Variants in GABRB1 observed in about 807,000 individuals in gnomAD.
The protein encoded by GABRB1 is gamma-aminobutyric acid receptor subunit beta-1.
GABRB1 carries 17 observed loss-of-function variants against 51.6 expected under a neutral mutation model. The ratio of observed to expected loss-of-function variants is 0.33; its 90% CI spans 0.23 to 0.49. The LOEUF (loss-of-function observed/expected upper bound fraction) is 0.49. Ranked by LOEUF, GABRB1 falls within the 20% of genes least tolerant of loss-of-function variation. The pLI, the probability that GABRB1 is intolerant of heterozygous loss-of-function variation, is 0.99. For synonymous variants in GABRB1, 247 were observed against 218.9 expected, an observed-to-expected ratio of 1.13 and a Z score of -1.14; for missense variants, 410 against 600.6, an observed-to-expected ratio of 0.68 and a Z score of 3.32.
At chr4:47,271,579 TA>T (rs1335751947) in intron 4 of GABRB1, among the ~76,000 whole-genome samples, 2 of 152,202 alleles carry the variant, frequency 1.3e-5, no homozygotes, top group Non-Finnish European at 2.9e-5. Context: ...ACAAATGCTA[TA>T]AACCCCAGAA....
intron 4 of GABRB1, among the ~76,000 whole-genome samples, chr4:47,177,942 G>A (rs1447974285): frequency 6.6e-6 from 1 of 151,804 alleles, no homozygotes; most frequent in Non-Finnish European, 1.5e-5. Context: ...CTGCAAAAAG[G>A]GATTTGGGTT....
At chr4:47,087,279 AT>A (rs202240250) in intron 3 of GABRB1, among the ~76,000 whole-genome samples, 64 of 71,536 alleles carry the variant, frequency 8.9e-4, no homozygotes, top group East Asian at 7.1e-3. Context: ...GGTAGCATTA[AT>A]TTTTTTTTTT....
chr4:47,070,304 G>A (rs906592949), intron 3 of GABRB1, among the ~76,000 whole-genome samples: 15 of 151,736 alleles, frequency 9.9e-5, no homozygotes, highest in African/African-American at 2.9e-4. Flanking sequence ...CCAAAGTGCT[G>A]GGATTACAGG....
At position 47,157,410 on chromosome 4, in the gene GABRB1, C is replaced by G. The variant is rs1371454864; in HGVS notation, c.241-3839C>G. On this transcript the variant is annotated intron_variant, in intron 3 of 8. Coordinates refer to ENST00000295454, the MANE Select transcript of GABRB1 (RefSeq NM_000812.4). ...AGCAATTTAGAGGCTTTCTTTTCTA[C>G]CTAAAAATAGAATCCACCAAAACGA... 2.0e-5 allele frequency among the ~76,000 whole-genome samples: 3 copies of G among 152,176 alleles called. No homozygotes were observed. The South Asian group carries it at 6.2e-4, about 32-fold the overall frequency.
intron 4 of GABRB1, among the ~76,000 whole-genome samples, chr4:47,174,218 A>C (rs1319715986): frequency 6.6e-6 from 1 of 151,950 alleles, no homozygotes; most frequent in African/African-American, 2.4e-5. Flanking sequence ...GCACACGCCC[A>C]GCTAATTTTT....
rs532635405 is a variant in GABRB1 at position 47,199,626 on chromosome 4, A to G, written c.461+38157A>G. On this transcript the variant is annotated intron_variant, in intron 4 of 8. Transcript: ENST00000295454. ...TGACTCTGAGCGGGGAGCCTTGGGC[A>G]TAGAGGATGGAGTTAGGACACAAGG... Among the ~76,000 whole-genome samples the G allele has an allele frequency of 2.2e-3, 334 of 152,292 alleles. 2 individuals are homozygous for G. The highest frequency in any genetic ancestry group is 0.014 in the Middle Eastern group (4 of 294).
At chr4:47,019,680 C>CTTTCT (rs1184158275) in intron 1 of GABRB1, among the ~76,000 whole-genome samples, 4 of 24,646 alleles carry the variant, frequency 1.6e-4, no homozygotes, top group Admixed American at 1.2e-3. Flanking sequence ...TCTTTCTTTC[C>CTTTCT]TTCTTTCCTT....
intron 4 of GABRB1, among the ~76,000 whole-genome samples, chr4:47,263,705 T>C (rs1722538838): frequency 6.6e-6 from 1 of 152,120 alleles, no homozygotes; most frequent in Non-Finnish European, 1.5e-5. Context: ...GGAATATCAA[T>C]AAATACTTTG....
intron 4 of GABRB1, among the ~76,000 whole-genome samples, chr4:47,278,832 G>A (rs1481288193): frequency 6.6e-6 from 1 of 152,068 alleles, no homozygotes; most frequent in Non-Finnish European, 1.5e-5. Flanking sequence ...TTCACCAGTT[G>A]CCCTGTTTCT....
intron 5 of GABRB1, among the ~76,000 whole-genome samples, chr4:47,372,321 CT>C (rs1378414191): frequency 6.6e-6 from 1 of 152,178 alleles, no homozygotes; most frequent in African/African-American, 2.4e-5. Context: ...CAGTACCACA[CT>C]GTTTTGATTA....
At chr4:47,337,151 C>T (rs1299207044) in intron 5 of GABRB1, among the ~76,000 whole-genome samples, 1 of 152,008 alleles carries the variant, frequency 6.6e-6, no homozygotes, top group African/African-American at 2.4e-5. Flanking sequence ...CAATAAGAAA[C>T]AGAGTCACTT....
rs118145140 is a variant in GABRB1 at position 47,156,080 on chromosome 4, A to G, written c.241-5169A>G. ...GATATATTGTTTCATTTCTTTTGGC[A>G]TGTACCCAGCAGTGGAATTGCTAGA... On this transcript the variant is annotated intron_variant, in intron 3 of 8. Transcript: ENST00000295454. 1.6e-4 allele frequency among the ~76,000 whole-genome samples: 24 copies of G among 151,566 alleles called. No individual in the cohort carries two copies. The East Asian group carries it at 4.3e-3, about 27-fold the overall frequency.
At chr4:47,340,081 A>G (rs551085160) in intron 5 of GABRB1, among the ~76,000 whole-genome samples, 1 of 152,322 alleles carries the variant, frequency 6.6e-6, no homozygotes, top group South Asian at 2.1e-4. Context: ...AAAACAGAAG[A>G]GTCACTCAAT....
intron 3 of GABRB1, among the ~76,000 whole-genome samples, chr4:47,130,375 G>A (rs796097583): frequency 8.4e-5 from 7 of 83,118 alleles, no homozygotes; most frequent in African/African-American, 2.9e-4. Flanking sequence ...GTGTGTGTGT[G>A]TGTGCTTTCT....
At chr4:47,157,349 T>C (rs1281135226) in intron 3 of GABRB1, among the ~76,000 whole-genome samples, 1 of 152,098 alleles carries the variant, frequency 6.6e-6, no homozygotes, top group Non-Finnish European at 1.5e-5. Flanking sequence ...AATGAAGAAT[T>C]AATAGAAAAC....
intron 3 of GABRB1, among the ~76,000 whole-genome samples, chr4:47,086,514 G>A (rs1420308930): frequency 6.6e-6 from 1 of 152,176 alleles, no homozygotes. Context: ...AATTATTGAT[G>A]TACAAATGGA....
At chr4:47,030,417 C>G (rs1317644650), upstream of GABRB1, among the ~76,000 whole-genome samples, 1 of 152,088 alleles carries the variant, frequency 6.6e-6, no homozygotes, top group East Asian at 1.9e-4. Flanking sequence ...AAGCTGTCTC[C>G]TCTTTCCCTC....
intron 4 of GABRB1, among the ~76,000 whole-genome samples, chr4:47,238,716 G>A (rs1426242542): frequency 6.6e-6 from 1 of 152,022 alleles, no homozygotes; most frequent in Non-Finnish European, 1.5e-5. Context: ...AAAAGTTTTG[G>A]AATACTTAAG....
At chr4:47,260,651 G>A (rs1415049867) in intron 4 of GABRB1, among the ~76,000 whole-genome samples, 3 of 152,044 alleles carry the variant, frequency 2.0e-5, no homozygotes. Context: ...GTTGAATATT[G>A]GCCCCCACTC....
Sources: gnomAD v4.1 joint callset for allele counts (sites outside exome capture counted in the v4.1 genomes callset) on GRCh38, gnomAD v4.1.1 for gene constraint, MANE v1.5 for transcripts, NCBI Gene and HGNC (gene_info 2026-07-23, HGNC 2026-07-21) for gene names.